The following C3orf18 variants were observed in gnomAD, a reference collection of about 807,000 sequenced individuals.
C3orf18 encodes uncharacterized protein C3orf18.
Under a neutral mutation model 14.1 loss-of-function variants are expected in C3orf18, and 12 were observed. That is an observed-to-expected ratio of 0.85 (90% confidence interval 0.55 to 1.38). The LOEUF is 1.38. Among genes scored for constraint, C3orf18 ranks in the 40% most tolerant of loss-of-function variants. The pLI is 0.00. For missense variants in C3orf18, 196 were observed against 213.9 expected, an observed-to-expected ratio of 0.92 and a Z score of 0.52; for synonymous variants, 82 against 87.9, an observed-to-expected ratio of 0.93 and a Z score of 0.38.
rs1699807500 is a variant in C3orf18, at chr3:50,558,962, T to A, written c.*695A>T. The A allele has an allele frequency of 2.3e-6, 3 of 1,287,380 alleles. No homozygotes were observed. Among genetic ancestry groups the A allele is most frequent in the South Asian group, 1.2e-5 (1 of 80,832 alleles). 79.7% of individuals were successfully genotyped at this position (1,287,380 alleles called of 1,614,324 possible). ...TCTCGGCAGGTCTGGGGGGGCTGCA[T>A]CCTTCCACTTCCATTCCCCTACTTC... On this transcript the variant is annotated 3_prime_UTR_variant, in exon 6 of 6. Transcript: ENST00000357203.
At chr3:50,559,771 T>C in intron 5 of C3orf18, 34 bp from the exon 6 acceptor site, 2 of 1,464,166 alleles carry the variant, frequency 1.4e-6, no homozygotes, top group Admixed American at 2.0e-5. Context: ...TCAGAGACCA[T>C]GGGCAAGGCC....
upstream of C3orf18, among the ~76,000 whole-genome samples, chr3:50,573,555 G>T (rs556876088): frequency 3.6e-4 from 55 of 152,256 alleles, no homozygotes; most frequent in Non-Finnish European, 5.1e-4. Context: ...TCTTGGATGG[G>T]TCTGGGCCAA....
Position 50,558,448 on chromosome 3 carries a change from A to G in C3orf18, c.*1209T>C. The G allele has an allele frequency of 3.0e-6, 1 of 332,570 alleles. No individual in the cohort carries two copies. Among genetic ancestry groups the G allele is most frequent in the Non-Finnish European group, 5.9e-6 (1 of 169,796 alleles). 20.6% of individuals were successfully genotyped at this position (332,570 alleles called of 1,614,324 possible). ...ACCCTCCAAGGCTTATGGAGAGGCC[A>G]AGTGCAGGGACCCATCTCCCCACTC... On this transcript the variant is annotated 3_prime_UTR_variant, in exon 6 of 6. Transcript: ENST00000357203.
chr3:50,561,857 C>A, intron 3 of C3orf18, 110 bp from the exon 4 acceptor site: 2 of 1,121,688 alleles, frequency 1.8e-6, no homozygotes, highest in Non-Finnish European at 2.7e-6. Context: ...ACCCGTGGGT[C>A]CCCGTCCTAA....
At position 50,559,639 on chromosome 3, in the gene C3orf18, A is replaced by G; in HGVS notation, c.*18T>C. The G allele has an allele frequency of 6.4e-7, 1 of 1,554,070 alleles. No individual in the cohort carries two copies. Among genetic ancestry groups the G allele is most frequent in the Non-Finnish European group, 8.7e-7 (1 of 1,147,476 alleles). ...CGTGATGGGTCTCTATCAGAAGTCC[A>G]GGCTTGTCCCAGGCCACTCACGCAT... On this transcript the variant is annotated 3_prime_UTR_variant, in exon 6 of 6. Transcript: ENST00000357203.
At chr3:50,569,924 T>A (rs1700728724), upstream of C3orf18, 1 of 152,172 alleles carries the variant, frequency 6.6e-6, no homozygotes, top group South Asian at 2.1e-4. Context: ...AACTTCCGCC[T>A]GCTTGAACTG....
At chr3:50,571,788 C>G (rs754675741), upstream of C3orf18, 2 of 1,614,044 alleles carry the variant, frequency 1.2e-6, no homozygotes, top group East Asian at 4.5e-5. Context: ...GCTGAGTAGC[C>G]GTCGATTGCA....
At position 50,558,681 on chromosome 3, in the gene C3orf18, G is replaced by A; in HGVS notation, c.*976C>T. 7.8e-7 allele frequency: 1 copy of A among 1,284,188 alleles called. No homozygotes were observed. The highest frequency in any genetic ancestry group is 1.0e-6 in the Non-Finnish European group (1 of 985,192). The allele number at this position is 1,284,188 out of a possible 1,614,324, so 79.5% of individuals were successfully genotyped here. On this transcript the variant is annotated 3_prime_UTR_variant, in exon 6 of 6. Coordinates refer to ENST00000357203, the MANE Select transcript of C3orf18 (RefSeq NM_016210.5). ...GATCCTCATTAGAGCCCAAGACAGG[G>A]AGCCGTTTTCAGAAGCAGGTGAGCC...
chr3:50,569,058 T>C (rs924729258), upstream of C3orf18: 1 of 152,278 alleles, frequency 6.6e-6, no homozygotes, highest in African/African-American at 2.4e-5. Flanking sequence ...AACCCGCCCA[T>C]GCACAGCTCC....
chr3:50,568,460 G>A (rs1700518479), upstream of C3orf18, among the ~76,000 whole-genome samples: 1 of 152,254 alleles, frequency 6.6e-6, no homozygotes, highest in Admixed American at 6.5e-5. Flanking sequence ...GGGCGTGGTG[G>A]CTCACTCCTG....
At position 50,559,811 on chromosome 3, in the gene C3orf18, C is replaced by T. The variant is rs1169401152; in HGVS notation, c.409-74G>A. ...ACTCACTGGCCTGGTCACCTCCACC[C>T]TCACTTCCTGGTGCCTGCTTATGCT... On this transcript the variant is annotated intron_variant, in intron 5 of 5. Coordinates refer to ENST00000357203, the MANE Select transcript of C3orf18 (RefSeq NM_016210.5). The T allele has an allele frequency of 1.2e-5, 11 of 939,492 alleles. 1 individual carries two copies. The highest frequency in any genetic ancestry group is 6.2e-5 in the Admixed American group (2 of 32,178). The allele number at this position is 939,492 out of a possible 1,614,324, so 58.2% of individuals were successfully genotyped here.
chr3:50,571,053 A>C, upstream of C3orf18: 1 of 1,419,560 alleles, frequency 7.0e-7, no homozygotes, highest in Non-Finnish European at 9.6e-7. Flanking sequence ...AGCTGACATC[A>C]TAAAGCAGAC....
intron 3 of C3orf18, among the ~76,000 whole-genome samples, chr3:50,564,981 C>G (rs1700200573): frequency 6.6e-6 from 1 of 152,198 alleles, no homozygotes; most frequent in Non-Finnish European, 1.5e-5. Flanking sequence ...TTCCCAAGAA[C>G]CTTTTCTGTT....
In C3orf18 at chr3:50,558,513, G is replaced by A. The variant is rs888603521; in HGVS notation, c.*1144C>T. 42 of 382,782 alleles carry A rather than the reference G, an allele frequency of 1.1e-4. No individual in the cohort carries two copies. In the Admixed American group the frequency reaches 1.6e-3, roughly 15 times the overall value. 23.7% of individuals were successfully genotyped at this position (382,782 alleles called of 1,614,324 possible). A position where few individuals can be genotyped will look rare whatever the true frequency, so the allele number is the denominator to read the frequency against. On this transcript the variant is annotated 3_prime_UTR_variant, in exon 6 of 6. Coordinates refer to ENST00000357203, the MANE Select transcript of C3orf18 (RefSeq NM_016210.5). ...GGCTCTTCCCATAGATGGGATGGAGGTGGGGAATTCAAACATAGACTAAGT... is the reference window on the plus strand; with the variant it reads ...GGCTCTTCCCATAGATGGGATGGAGATGGGGAATTCAAACATAGACTAAGT...
intron 3 of C3orf18, among the ~76,000 whole-genome samples, chr3:50,563,768 T>C (rs1422542669): frequency 2.6e-5 from 4 of 152,226 alleles, no homozygotes; most frequent in Non-Finnish European, 5.9e-5. Flanking sequence ...CTACCTCTGA[T>C]TTTGGCAAGA....
chr3:50,561,686 G>C, intron 4 of C3orf18, 36 bp downstream of exon 4: 1 of 1,610,840 alleles, frequency 6.2e-7, no homozygotes, highest in Non-Finnish European at 8.5e-7. Flanking sequence ...ATGGCCTCAA[G>C]TTTTGGGTGG....
chr3:50,569,627 G>T (rs1700660748), upstream of C3orf18: 1 of 152,272 alleles, frequency 6.6e-6, no homozygotes, highest in African/African-American at 2.4e-5. Context: ...CAACCGCCTG[G>T]AGACCTGGCC....
rs1434620358 is a variant in C3orf18 at position 50,567,578 on chromosome 3, G to C, written c.-367C>G. On this transcript the variant is annotated 5_prime_UTR_variant, in exon 1 of 6. Coordinates refer to ENST00000357203, the MANE Select transcript of C3orf18 (RefSeq NM_016210.5). ...GCGTCTGGGGCTGCGGGTCCGACCC[G>C]AGATCCGCCCTCCCTGCAAGCCCCG... 6.6e-6 allele frequency: 1 copy of C among 152,302 alleles called. No individual in the cohort carries two copies. Among genetic ancestry groups the C allele is most frequent in the African/African-American group, 2.4e-5 (1 of 41,472 alleles). The allele number at this position is 152,302 out of a possible 1,614,324, so 9.4% of individuals were successfully genotyped here.
chr3:50,571,801 G>A (rs1700995847), upstream of C3orf18: 5 of 1,613,568 alleles, frequency 3.1e-6, no homozygotes, highest in East Asian at 1.1e-4. Context: ...CGATTGCAGA[G>A]GTGAGCACCC....
Sources: gnomAD v4.1 joint callset for allele counts (sites outside exome capture counted in the v4.1 genomes callset) on GRCh38, gnomAD v4.1.1 for gene constraint, MANE v1.5 for transcripts, NCBI Gene and HGNC (gene_info 2026-07-23, HGNC 2026-07-21) for gene names.